EPHB2: variants seen among roughly 807,000 people sequenced by gnomAD.
EPHB2 encodes the protein EPH receptor B2.
Under a neutral mutation model 96.4 loss-of-function variants are expected in EPHB2, and 18 were observed. The ratio of observed to expected loss-of-function variants is 0.19; its 90% CI spans 0.13 to 0.28. The LOEUF is 0.28. EPHB2 is among the 10% of genes least tolerant of loss of function. The pLI is 1.00. For missense variants in EPHB2, 989 were observed against 1,355.4 expected (o/e 0.73, Z 4.25); for synonymous variants, 506 against 534.1 (o/e 0.95, Z 0.72).
chr1:22,811,816 A>AT (rs1478024226), intron 3 of EPHB2, among the ~76,000 whole-genome samples: 1 of 152,154 alleles, frequency 6.6e-6, no homozygotes, highest in Non-Finnish European at 1.5e-5. Context: ...AGGCAGGAGG[A>AT]TCGTGTGAGT....
intron 3 of EPHB2, among the ~76,000 whole-genome samples, chr1:22,857,558 A>G (rs1277792394): frequency 6.6e-6 from 1 of 152,008 alleles, no homozygotes; most frequent in Non-Finnish European, 1.5e-5. Flanking sequence ...TTTGCCCAAG[A>G]CTAAGGGAGT....
chr1:22,809,061 C>T (rs934626179), intron 3 of EPHB2, among the ~76,000 whole-genome samples: 2 of 152,228 alleles, frequency 1.3e-5, no homozygotes, highest in Middle Eastern at 3.2e-3. Context: ...ATCTGCCTTT[C>T]AGCAGCCTCT....
In EPHB2 at chr1:22,851,652, G is replaced by A. The variant is rs183887040; in HGVS notation, c.812-11385G>A. On this transcript the variant is annotated intron_variant, in intron 3 of 15. Transcript: ENST00000374630. The stretch of plus-strand genomic sequence containing the variant: ...AATAAGGAACTTAGCCCAGAAGATC[G>A]TGAAGATTCTGCTGACTTCCAATGT... Among the ~76,000 whole-genome samples, 93 of 151,802 alleles carry A rather than the reference G, an allele frequency of 6.1e-4. No homozygotes were observed. The East Asian group carries it at 0.016, about 26-fold the overall frequency.
intron 3 of EPHB2, among the ~76,000 whole-genome samples, chr1:22,827,095 T>C (rs1043503338): frequency 6.6e-6 from 1 of 152,172 alleles, no homozygotes; most frequent in African/African-American, 2.4e-5. Context: ...AGCACAAGAT[T>C]TCTATGAAAG....
intron 1 of EPHB2, among the ~76,000 whole-genome samples, chr1:22,772,670 CTCAG>C (rs1328743485): frequency 6.6e-6 from 1 of 152,110 alleles, no homozygotes; most frequent in Non-Finnish European, 1.5e-5. Context: ...GCTCAGGAAA[CTCAG>C]TCAGGCTGGC....
intron 13 of EPHB2, 128 bp downstream of exon 13, chr1:22,909,299 TC>T: frequency 2.1e-6 from 3 of 1,452,578 alleles, no homozygotes; most frequent in Non-Finnish European, 1.9e-6. Context: ...TGGGCCTGGC[TC>T]CCAGGGCAGC....
chr1:22,839,442 C>T (rs577390507), intron 3 of EPHB2, among the ~76,000 whole-genome samples: 7 of 152,252 alleles, frequency 4.6e-5, no homozygotes, highest in Non-Finnish European at 8.8e-5. Flanking sequence ...GCCTGGTGAC[C>T]GTCAGCAAGA....
rs1183951115 is a variant in EPHB2, at chr1:22,893,026, A to C, written c.1571A>C (p.Tyr524Ser). ...TACGGGCGCTACAGCGGCAAGATGT[A>C]CTTCCAGACCATGACAGAAGGTGAG... is the stretch of plus-strand genomic sequence containing the variant. The part of the protein sequence containing the change: ...AGYGRYSGKM[Y>S]FQTMTEAEYQ... Residue 524 changes from tyrosine to serine, a missense_variant, in exon 7 of 16, where the codon TAC (tyrosine) becomes TCC (serine). Transcript: ENST00000374630. 2 of 1,614,222 alleles carry C rather than the reference A, an allele frequency of 1.2e-6. No individual in the cohort carries two copies. Among genetic ancestry groups the C allele is most frequent in the Non-Finnish European group, 1.7e-6 (2 of 1,180,024 alleles).
chr1:22,889,938 G>C (rs1639340270), intron 6 of EPHB2, among the ~76,000 whole-genome samples: 1 of 152,194 alleles, frequency 6.6e-6, no homozygotes, highest in Admixed American at 6.5e-5. Flanking sequence ...AAATTTGACT[G>C]AGCAGCATCC....
intron 3 of EPHB2, among the ~76,000 whole-genome samples, chr1:22,859,973 T>C (rs1298649535): frequency 6.6e-6 from 1 of 152,220 alleles, no homozygotes; most frequent in African/African-American, 2.4e-5. Context: ...ATCGACTTTC[T>C]GTCTCTTTCG....
chr1:22,858,190 G>A lies in EPHB2; in HGVS notation c.812-4847G>A, dbSNP rs558753416. 9.2e-5 allele frequency among the ~76,000 whole-genome samples: 14 copies of A among 152,124 alleles called. No individual in the cohort carries two copies. The highest frequency in any genetic ancestry group is 5.8e-4 in the East Asian group (3 of 5,172). ...TGGCCAAAGGCCTGGAGGTGAGAGC[G>A]CATTCGATGACCACAGGCAGGAGCG... On this transcript the variant is annotated intron_variant, in intron 3 of 15. Coordinates refer to ENST00000374630, the MANE Select transcript of EPHB2 (RefSeq NM_017449.5). This position sits in a 1 kb window ranked among gnomAD's most constrained non-coding sequence, Gnocchi z 7.7.
At chr1:22,788,261 G>T (rs1315815917) in intron 3 of EPHB2, among the ~76,000 whole-genome samples, 1 of 152,190 alleles carries the variant, frequency 6.6e-6, no homozygotes, top group Non-Finnish European at 1.5e-5. Flanking sequence ...GGTGGGGCAG[G>T]GTTAAGGTGT....
chr1:22,864,842 G>GC (rs1638411759), intron 4 of EPHB2, 35 bp from the exon 5 acceptor site: 11 of 1,406,612 alleles, frequency 7.8e-6, no homozygotes, highest in Non-Finnish European at 8.9e-6. Context: ...TACCCCCTGA[G>GC]CCCCCCACTG....
intron 3 of EPHB2, among the ~76,000 whole-genome samples, chr1:22,796,863 T>G (rs1446412763): frequency 1.3e-5 from 2 of 152,188 alleles, no homozygotes; most frequent in Non-Finnish European, 2.9e-5. Context: ...GTACAACTAT[T>G]GCAGAACAGG....
intron 3 of EPHB2, among the ~76,000 whole-genome samples, chr1:22,798,580 G>A (rs970031280): frequency 4.6e-5 from 7 of 151,964 alleles, no homozygotes; most frequent in African/African-American, 1.5e-4. Flanking sequence ...TGTGGGACTC[G>A]ATTCTCTCAT....
At chr1:22,715,889 C>A (rs560488263) in intron 1 of EPHB2, among the ~76,000 whole-genome samples, 1 of 152,218 alleles carries the variant, frequency 6.6e-6, no homozygotes, top group Non-Finnish European at 1.5e-5. Flanking sequence ...ACTTCAGTTT[C>A]CCCCTGGGTT....
chr1:22,816,752 T>C (rs1645080669), intron 3 of EPHB2, among the ~76,000 whole-genome samples: 1 of 152,096 alleles, frequency 6.6e-6, no homozygotes, highest in Non-Finnish European at 1.5e-5. Flanking sequence ...GAAGGTCAGA[T>C]GAGATGATGG....
intron 1 of EPHB2, among the ~76,000 whole-genome samples, chr1:22,778,406 C>G (rs1644482916): frequency 1.3e-5 from 2 of 152,330 alleles, no homozygotes; most frequent in South Asian, 4.1e-4. Flanking sequence ...GAGCCCAGGT[C>G]TGTCTGCTCT....
chr1:22,867,354 G>A (rs568055785), intron 5 of EPHB2, among the ~76,000 whole-genome samples: 8 of 152,298 alleles, frequency 5.3e-5, no homozygotes, highest in South Asian at 2.1e-4. Context: ...AGGGGATATT[G>A]TGTATTTGAG....
Sources: allele counts gnomAD v4.1 joint callset (sites outside exome capture counted in the v4.1 genomes callset), GRCh38; gene constraint gnomAD v4.1.1; non-coding constraint Gnocchi (gnomAD v3.1); transcripts MANE v1.5; gene names NCBI Gene and HGNC (gene_info 2026-07-23, HGNC 2026-07-21).